Variants in TMEM266 observed in about 807,000 individuals in gnomAD.
TMEM266 encodes transmembrane protein 266, also known as Hv1 related protein 1.
In TMEM266, 33 loss-of-function variants were observed where a neutral mutation model predicts 50.5. The ratio of observed to expected loss-of-function variants is 0.65; its 90% CI spans 0.50 to 0.87. The LOEUF (loss-of-function observed/expected upper bound fraction) is 0.87, where lower values mean the gene tolerates loss of function less well. Among genes scored for constraint, TMEM266 ranks in the 40% least tolerant of loss-of-function variants. The probability of loss-of-function intolerance (pLI) is 0.00; values close to 1 mark genes in which losing one functional copy is unlikely to be tolerated. For synonymous variants in TMEM266, 310 were observed against 292.3 expected (o/e 1.06, Z -0.62); for missense variants, 655 against 695.1 (o/e 0.94, Z 0.65).
Position 76,202,391 on chromosome 15 carries a change from G to A in TMEM266, c.1021+127G>A, listed in dbSNP as rs966587834. The A allele has an allele frequency of 7.4e-6, 6 of 815,796 alleles. No individual in the cohort carries two copies. The African/African-American group carries it at 1.0e-4, about 14-fold the overall frequency. The allele number at this position is 815,796 out of a possible 1,614,324, so 50.5% of individuals were successfully genotyped here. A position where few individuals can be genotyped will look rare whatever the true frequency, so the allele number is the denominator to read the frequency against. On this transcript the variant is annotated intron_variant, in intron 10 of 10. Transcript: ENST00000388942. The stretch of plus-strand genomic sequence containing the variant: ...CCTGTGAACCATAACTGCAGGCAGT[G>A]CTCAAGGTTAAAATATCGGAGCTTC...
chr15:76,184,210 T>G (rs1001278098), intron 8 of TMEM266, among the ~76,000 whole-genome samples: 3 of 152,218 alleles, frequency 2.0e-5, no homozygotes, highest in Non-Finnish European at 4.4e-5. Flanking sequence ...CAATAGCCTT[T>G]GTTACCTGGA....
At chr15:76,119,391 CA>C (rs57532855) in intron 1 of TMEM266, among the ~76,000 whole-genome samples, 3,839 of 109,602 alleles carry the variant, frequency 0.035, 65 homozygotes, top group African/African-American at 0.09. Flanking sequence ...GGGTTTATGG[CA>C]AAAAAAAAAA....
intron 4 of TMEM266, among the ~76,000 whole-genome samples, chr15:76,158,339 G>A (rs776803384): frequency 2.0e-5 from 3 of 152,168 alleles, no homozygotes; most frequent in African/African-American, 7.2e-5. Flanking sequence ...TAAAGTGACC[G>A]GTACTGGTTT....
chr15:76,199,279 G>A (rs2038702879), intron 9 of TMEM266, among the ~76,000 whole-genome samples: 1 of 152,218 alleles, frequency 6.6e-6, no homozygotes, highest in African/African-American at 2.4e-5. Context: ...GAGTTGTCCG[G>A]GGACGGTCGG....
chr15:76,119,245 C>G (rs1179166379), intron 1 of TMEM266, among the ~76,000 whole-genome samples: 1 of 151,970 alleles, frequency 6.6e-6, no homozygotes, highest in East Asian at 1.9e-4. Flanking sequence ...GGAACGCTAT[C>G]AGATTTAAGC....
chr15:76,105,605 A>G (rs2037068458), intron 1 of TMEM266, among the ~76,000 whole-genome samples: 2 of 152,262 alleles, frequency 1.3e-5, no homozygotes, highest in South Asian at 4.1e-4. Context: ...ATGATTGAGC[A>G]TGGCTGTGTT....
At chr15:76,068,892 G>A (rs1407139670) in intron 1 of TMEM266, among the ~76,000 whole-genome samples, 2 of 152,232 alleles carry the variant, frequency 1.3e-5, no homozygotes, top group Non-Finnish European at 2.9e-5. Context: ...AGACTTGCAA[G>A]AGGTCAAGCT....
intron 4 of TMEM266, among the ~76,000 whole-genome samples, 193 bp downstream of exon 4, chr15:76,156,951 C>T (rs2037936867): frequency 1.3e-5 from 2 of 152,098 alleles, no homozygotes; most frequent in South Asian, 4.1e-4. Flanking sequence ...CTCTCTGTCA[C>T]CCCCAGCCTC....
chr15:76,195,152 C>T (rs1284770461), intron 9 of TMEM266, among the ~76,000 whole-genome samples: 1 of 151,780 alleles, frequency 6.6e-6, no homozygotes, highest in Non-Finnish European at 1.5e-5. Context: ...AGTAAGCTCC[C>T]AGATCTCCAC....
rs569944121 is a variant in TMEM266, at chr15:76,146,790, T to G, written c.227+8895T>G. Among the ~76,000 whole-genome samples, 9 of 152,332 alleles carry G rather than the reference T, an allele frequency of 5.9e-5. No homozygotes were observed. The East Asian group carries it at 1.7e-3, about 29-fold the overall frequency. On this transcript the variant is annotated intron_variant, in intron 3 of 10. Transcript: ENST00000388942. ...TGAGGGCCACAGCCTCCAGAAAGTC[T>G]TCTCTCCTCTAACCCCACCAGGCTA...
intron 1 of TMEM266, among the ~76,000 whole-genome samples, chr15:76,093,632 A>G (rs2036884165): frequency 2.0e-5 from 3 of 152,026 alleles, no homozygotes; most frequent in Non-Finnish European, 4.4e-5. Context: ...TATACCCAGT[A>G]ATGGGATTGC....
intron 9 of TMEM266, among the ~76,000 whole-genome samples, chr15:76,193,156 C>T (rs943437709): frequency 6.6e-6 from 1 of 152,212 alleles, no homozygotes; most frequent in Admixed American, 6.5e-5. Flanking sequence ...ACAGGACTTA[C>T]GAGGAACCGA....
At chr15:76,140,014 C>T (rs2037653168) in intron 3 of TMEM266, among the ~76,000 whole-genome samples, 1 of 152,254 alleles carries the variant, frequency 6.6e-6, no homozygotes, top group African/African-American at 2.4e-5. Context: ...CTGGCAGAGG[C>T]TTTGCCTTAT....
At chr15:76,185,109 G>T (rs1239157484) in intron 8 of TMEM266, among the ~76,000 whole-genome samples, 4 of 152,104 alleles carry the variant, frequency 2.6e-5, no homozygotes, top group Admixed American at 2.0e-4. Context: ...TTTCTGTGGG[G>T]TTTTTTGGTA....
In TMEM266 at chr15:76,192,069, G is replaced by A. The variant is rs1222288468; in HGVS notation, c.870G>A (p.Pro290=). 2.0e-5 allele frequency: 29 copies of A among 1,486,094 alleles called. No homozygotes were observed. Among genetic ancestry groups the A allele is most frequent in the Non-Finnish European group, 2.6e-5 (29 of 1,123,770 alleles). 92.1% of individuals were successfully genotyped at this position (1,486,094 alleles called of 1,614,324 possible). The change falls in exon 9 of 11, where the codon CCG becomes CCA. Residue 290 remains proline, a synonymous_variant. Coordinates refer to ENST00000388942, the MANE Select transcript of TMEM266 (RefSeq NM_152335.3). ...AGGCCCCGCACGTGCTCAGCCAGCC[G>A]CGCAGCCGCTTCAAAGTGTTGGAGG...
At chr15:76,137,602 C>A in intron 2 of TMEM266, 105 bp from the exon 3 acceptor site, 1 of 1,175,566 alleles carries the variant, frequency 8.5e-7, no homozygotes, top group Non-Finnish European at 1.3e-6. Context: ...GCTTCCTCAG[C>A]CCTCCACTGG....
chr15:76,080,528 C>T (rs2036675613), intron 1 of TMEM266, among the ~76,000 whole-genome samples: 5 of 151,376 alleles, frequency 3.3e-5, no homozygotes, highest in African/African-American at 7.3e-5. Flanking sequence ...GGATTACAGG[C>T]GTGAGCCACC....
chr15:76,157,998 G>GTAAGTAAA (rs2037953082), intron 4 of TMEM266, among the ~76,000 whole-genome samples: 1 of 150,400 alleles, frequency 6.6e-6, no homozygotes, highest in African/African-American at 2.5e-5. Context: ...AAATAAATAA[G>GTAAGTAAA]TAAATAAATA....
intron 1 of TMEM266, among the ~76,000 whole-genome samples, chr15:76,131,921 AG>A (rs943965307): frequency 6.6e-6 from 1 of 152,052 alleles, no homozygotes; most frequent in African/African-American, 2.4e-5. Context: ...GATTTCCTTA[AG>A]TTTCTTTAAC....
Sources: gnomAD v4.1 joint callset for allele counts (sites outside exome capture counted in the v4.1 genomes callset) on GRCh38, gnomAD v4.1.1 for gene constraint, MANE v1.5 for transcripts, NCBI Gene and HGNC (gene_info 2026-07-23, HGNC 2026-07-21) for gene names.